XKR4: variants seen among roughly 807,000 people sequenced by gnomAD.
The protein encoded by XKR4 is XK-related protein 4.
Under a neutral mutation model 53.9 loss-of-function variants are expected in XKR4, and 12 were observed. The ratio of observed to expected loss-of-function variants is 0.22; its 90% CI spans 0.14 to 0.36. XKR4 has a LOEUF of 0.36. XKR4 is among the 10% of genes least tolerant of loss of function. XKR4 has a pLI of 1.00. For synonymous variants in XKR4, 354 were observed against 362.4 expected (o/e 0.98, Z 0.26); for missense variants, 799 against 859.5 (o/e 0.93, Z 0.88).
intron 2 of XKR4, chr8:55,451,562 G>C: frequency 8.9e-7 from 1 of 1,129,464 alleles, no homozygotes; most frequent in African/African-American, 1.5e-5. Context: ...CCAGAATGCA[G>C]CAGTACTGCC....
At chr8:55,443,919 C>T (rs1340856059) in intron 2 of XKR4, among the ~76,000 whole-genome samples, 1 of 151,558 alleles carries the variant, frequency 6.6e-6, no homozygotes, top group Non-Finnish European at 1.5e-5. Context: ...ACCTGTAATT[C>T]CAACACTTTG....
intron 2 of XKR4, among the ~76,000 whole-genome samples, chr8:55,494,358 A>C (rs1806311500): frequency 6.6e-6 from 1 of 152,244 alleles, no homozygotes; most frequent in African/African-American, 2.4e-5. Flanking sequence ...GGCTCCCCAA[A>C]GAGCCACAGC....
chr8:55,490,211 G>A (rs982879944), intron 2 of XKR4, among the ~76,000 whole-genome samples: 5 of 152,042 alleles, frequency 3.3e-5, no homozygotes, highest in South Asian at 2.1e-4. Context: ...AAGAATATGC[G>A]GTACCTATAC....
At chr8:55,166,906 T>C (rs990049005) in intron 1 of XKR4, among the ~76,000 whole-genome samples, 5 of 152,176 alleles carry the variant, frequency 3.3e-5, no homozygotes, top group Non-Finnish European at 5.9e-5. Context: ...TTTGAGCAGA[T>C]TCATGATCAG....
chr8:55,423,396 T>A (rs1804966822), intron 2 of XKR4, among the ~76,000 whole-genome samples: 1 of 152,174 alleles, frequency 6.6e-6, no homozygotes, highest in Non-Finnish European at 1.5e-5. Flanking sequence ...CACCCGCCAG[T>A]ACATAATTTT....
At chr8:55,115,674 T>C (rs1378507510) in intron 1 of XKR4, among the ~76,000 whole-genome samples, 1 of 151,994 alleles carries the variant, frequency 6.6e-6, no homozygotes, top group African/African-American at 2.4e-5. Context: ...TCCCAGCTAC[T>C]CTGGAGGCTA....
chr8:55,379,239 T>C (rs189407475), intron 2 of XKR4, among the ~76,000 whole-genome samples: 45 of 152,310 alleles, frequency 3.0e-4, no homozygotes, highest in Admixed American at 2.8e-3. Flanking sequence ...ATCAACATAA[T>C]GCACTCAAGA....
intron 1 of XKR4, among the ~76,000 whole-genome samples, chr8:55,240,321 C>G (rs909106689): frequency 1.3e-5 from 2 of 152,110 alleles, no homozygotes; most frequent in African/African-American, 4.8e-5. Context: ...GACATCAAAG[C>G]TAACATTCAA....
intron 2 of XKR4, among the ~76,000 whole-genome samples, chr8:55,386,906 T>A (rs1295852691): frequency 6.6e-6 from 1 of 152,252 alleles, no homozygotes; most frequent in Non-Finnish European, 1.5e-5. Flanking sequence ...TGATACATTG[T>A]ATCATATAAC....
chr8:55,253,299 C>A (rs912207944), intron 1 of XKR4, among the ~76,000 whole-genome samples: 1 of 152,028 alleles, frequency 6.6e-6, no homozygotes, highest in Non-Finnish European at 1.5e-5. Context: ...AATTAAATGG[C>A]GACATGCCTC....
intron 1 of XKR4, among the ~76,000 whole-genome samples, chr8:55,307,811 C>A (rs1417023288): frequency 6.6e-6 from 1 of 152,082 alleles, no homozygotes; most frequent in Admixed American, 6.5e-5. Context: ...CAGTTGCTGG[C>A]AAGGATGTGA....
chr8:55,163,760 G>A (rs531766864), intron 1 of XKR4, among the ~76,000 whole-genome samples: 2 of 152,112 alleles, frequency 1.3e-5, no homozygotes, highest in Non-Finnish European at 2.9e-5. Context: ...CAGGAGAATC[G>A]GTTGAACTCA....
intron 2 of XKR4, among the ~76,000 whole-genome samples, chr8:55,446,289 A>G (rs1805345471): frequency 6.6e-6 from 1 of 152,188 alleles, no homozygotes; most frequent in Non-Finnish European, 1.5e-5. Flanking sequence ...CAGCAGGCAC[A>G]GCCATTCTGC....
chr8:55,528,022 T>A lies in XKR4; in HGVS notation c.*3795T>A, dbSNP rs977753966. The A allele has an allele frequency of 6.6e-6, 1 of 151,820 alleles. No homozygotes were observed. The highest frequency in any genetic ancestry group is 6.5e-5 in the Admixed American group (1 of 15,272). The allele number at this position is 151,820 out of a possible 1,614,324, so 9.4% of individuals were successfully genotyped here. A position where few individuals can be genotyped will look rare whatever the true frequency, so the allele number is the denominator to read the frequency against. On this transcript the variant is annotated 3_prime_UTR_variant, in exon 3 of 3. Coordinates refer to ENST00000327381, the MANE Select transcript of XKR4 (RefSeq NM_052898.2). ...TATGTACACACACACACACACACAC[T>A]TTCCAACTAAAGTAACAGAGATGAA...
chr8:55,347,810 A>T (rs1443776166), intron 1 of XKR4, among the ~76,000 whole-genome samples: 1 of 152,106 alleles, frequency 6.6e-6, no homozygotes, highest in Admixed American at 6.5e-5. Context: ...GCCTTTAATG[A>T]TACTCTGTGG....
At chr8:55,430,514 T>C (rs1805086118) in intron 2 of XKR4, among the ~76,000 whole-genome samples, 1 of 152,140 alleles carries the variant, frequency 6.6e-6, no homozygotes, top group South Asian at 2.1e-4. Flanking sequence ...AGGGTAAATA[T>C]GGGGTAAGGA....
At chr8:55,311,013 A>C (rs1819380061) in intron 1 of XKR4, among the ~76,000 whole-genome samples, 3 of 152,222 alleles carry the variant, frequency 2.0e-5, no homozygotes, top group Admixed American at 2.0e-4. Context: ...ATTTAAGGGC[A>C]GTCCACACTC....
At chr8:55,374,903 A>T (rs1804124573) in intron 2 of XKR4, among the ~76,000 whole-genome samples, 1 of 152,262 alleles carries the variant, frequency 6.6e-6, no homozygotes, top group Non-Finnish European at 1.5e-5. Context: ...GGACAGAGAC[A>T]TAAACCGAAT....
At chr8:55,198,584 G>A (rs1817534234) in intron 1 of XKR4, among the ~76,000 whole-genome samples, 1 of 151,832 alleles carries the variant, frequency 6.6e-6, no homozygotes, top group African/African-American at 2.4e-5. Context: ...GTTGGGAAAT[G>A]GATTCTTACT....
Sources: allele counts gnomAD v4.1 joint callset (sites outside exome capture counted in the v4.1 genomes callset), GRCh38; gene constraint gnomAD v4.1.1; transcripts MANE v1.5; gene names NCBI Gene and HGNC (gene_info 2026-07-23, HGNC 2026-07-21).